Variants in SLC17A1 observed in about 807,000 individuals in gnomAD.
SLC17A1 encodes the protein solute carrier family 17 member 1.
A neutral mutation model predicts 53.5 loss-of-function variants in SLC17A1; 51 were observed. The ratio of observed to expected loss-of-function variants is 0.95; its 90% CI spans 0.76 to 1.20. The LOEUF (loss-of-function observed/expected upper bound fraction) is 1.20, where lower values mean the gene tolerates loss of function less well. Among genes scored for constraint, SLC17A1 ranks in the 50% most tolerant of loss-of-function variants. The pLI is 0.00. For missense variants in SLC17A1, 538 were observed against 568.2 expected, an observed-to-expected ratio of 0.95 and a Z score of 0.54; for synonymous variants, 179 against 198.8, an observed-to-expected ratio of 0.90 and a Z score of 0.84.
Position 25,811,379 on chromosome 6 carries a change from G to A in SLC17A1, c.1178+19C>T. On this transcript the variant is annotated intron_variant, in intron 10 of 12. Transcript: ENST00000244527. ...TTTATTTGTTAAAGGTTAAAAAAAA[G>A]CGTATAAACAAATCCTACCTGGGAG... The A allele has an allele frequency of 6.3e-7, 1 of 1,589,110 alleles. No homozygotes were observed.
intron 12 of SLC17A1, among the ~76,000 whole-genome samples, chr6:25,794,857 A>AAGG (rs1378057728): frequency 6.6e-6 from 1 of 152,224 alleles, no homozygotes; most frequent in East Asian, 1.9e-4. Context: ...CTACAGGAGA[A>AAGG]ACGCAAGGCC....
At chr6:25,743,909 T>C in the SLC17A1 span, among the ~76,000 whole-genome samples, 1 of 152,170 alleles carries the variant, frequency 6.6e-6, no homozygotes, top group Admixed American at 6.5e-5. Context: ...GAGCATGTGG[T>C]TCTGACTGGA....
chr6:25,798,610 C>A (rs1763658149), intron 12 of SLC17A1, 173 bp downstream of exon 12: 3 of 463,204 alleles, frequency 6.5e-6, no homozygotes, highest in Non-Finnish European at 1.1e-5. Context: ...GCCTTAGCAT[C>A]CCCACAGAGT....
chr6:25,736,398 A>G, the SLC17A1 span, among the ~76,000 whole-genome samples: 2 of 152,094 alleles, frequency 1.3e-5, no homozygotes, highest in Non-Finnish European at 2.9e-5. Context: ...GTATCTCAGT[A>G]CTCATTTCGG....
At chr6:25,822,718 G>A (rs1302206372) in intron 3 of SLC17A1, among the ~76,000 whole-genome samples, 6 of 151,986 alleles carry the variant, frequency 3.9e-5, no homozygotes, top group African/African-American at 1.4e-4. Context: ...AGAATATGAG[G>A]TTCTCAGTAT....
chr6:25,816,921 C>A (rs960565658), intron 6 of SLC17A1, among the ~76,000 whole-genome samples: 1 of 147,856 alleles, frequency 6.8e-6, no homozygotes, highest in African/African-American at 2.5e-5. Flanking sequence ...GATCTTGGCT[C>A]ACTGCAAACT....
chr6:25,809,991 G>A (rs1357376342), intron 10 of SLC17A1, among the ~76,000 whole-genome samples: 2 of 151,968 alleles, frequency 1.3e-5, no homozygotes, highest in African/African-American at 4.8e-5. Context: ...TTTTGACAGA[G>A]GTGCCAAGAA....
the SLC17A1 span, among the ~76,000 whole-genome samples, chr6:25,741,362 G>A: frequency 6.9e-6 from 1 of 145,538 alleles, no homozygotes; most frequent in South Asian, 2.2e-4. Context: ...TTGAGGTCAG[G>A]AGTTTGAGAT....
the SLC17A1 span, chr6:25,776,743 G>GGT: frequency 6.2e-7 from 1 of 1,613,966 alleles, no homozygotes. Context: ...GGAGAGACTG[G>GGT]ACACAGGGGT....
intron 1 of SLC17A1, among the ~76,000 whole-genome samples, chr6:25,831,437 G>A (rs1415317479): frequency 6.6e-6 from 1 of 152,140 alleles, no homozygotes; most frequent in Non-Finnish European, 1.5e-5. Context: ...TTCTGGGGCT[G>A]CTGTTTATTT....
chr6:25,799,029 G>A, intron 11 of SLC17A1, 110 bp from the exon 12 acceptor site: 1 of 1,019,642 alleles, frequency 9.8e-7, no homozygotes, highest in Non-Finnish European at 1.4e-6. Context: ...TAACAAATAT[G>A]GAAAAACATA....
At chr6:25,785,622 T>G in intron 12 of SLC17A1, among the ~76,000 whole-genome samples, 2 of 152,254 alleles carry the variant, frequency 1.3e-5, no homozygotes, top group Middle Eastern at 6.8e-3. Context: ...CAATACACTC[T>G]TATAACCCAA....
At chr6:25,749,493 A>G in the SLC17A1 span, among the ~76,000 whole-genome samples, 1 of 89,514 alleles carries the variant, frequency 1.1e-5, no homozygotes, top group Non-Finnish European at 3.0e-5. Flanking sequence ...GACAAAACCT[A>G]AAAAAATGAA....
At chr6:25,755,843 G>A in the SLC17A1 span, among the ~76,000 whole-genome samples, 7 of 151,962 alleles carry the variant, frequency 4.6e-5, no homozygotes, top group African/African-American at 7.3e-5. Flanking sequence ...TGCTCATTTC[G>A]CCAACTTCTT....
the SLC17A1 span, among the ~76,000 whole-genome samples, chr6:25,731,321 C>T: frequency 3.3e-5 from 5 of 152,170 alleles, no homozygotes; most frequent in Admixed American, 1.3e-4. Flanking sequence ...CTGGTCCACC[C>T]GGACTTGGAG....
chr6:25,727,333 T>C, the SLC17A1 span: 1 of 1,524,412 alleles, frequency 6.6e-7, no homozygotes, highest in Non-Finnish European at 8.8e-7. Flanking sequence ...AAGGCTCTTT[T>C]CAGAGCCACT....
chr6:25,770,952 C>A, the SLC17A1 span: 1 of 1,613,894 alleles, frequency 6.2e-7, no homozygotes, highest in Non-Finnish European at 8.5e-7. Context: ...CTTCATTGTT[C>A]TACTTGCTGG....
At chr6:25,809,681 G>A (rs1575535) in intron 10 of SLC17A1, among the ~76,000 whole-genome samples, 49,822 of 151,930 alleles carry the variant, frequency 0.33, 8,794 homozygotes, top group East Asian at 0.69. Context: ...TTGTTAAAAT[G>A]TCTGTACGAT....
intron 2 of SLC17A1, among the ~76,000 whole-genome samples, chr6:25,828,210 A>G (rs1031160415): frequency 2.6e-5 from 4 of 152,132 alleles, no homozygotes; most frequent in African/African-American, 7.2e-5. Context: ...TCTGAAGTTC[A>G]GCCAGGCCAA....
Sources: allele counts gnomAD v4.1 joint callset (sites outside exome capture counted in the v4.1 genomes callset), GRCh38; gene constraint gnomAD v4.1.1; transcripts MANE v1.5; gene names NCBI Gene and HGNC (gene_info 2026-07-23, HGNC 2026-07-21).